TSPEAR: variants seen among roughly 807,000 people sequenced by gnomAD.
TSPEAR encodes the protein thrombospondin-type laminin G domain and EAR repeat-containing protein.
Under a neutral mutation model 71.6 loss-of-function variants are expected in TSPEAR, and 69 were observed. That is an observed-to-expected ratio of 0.96 (90% CI 0.79 to 1.18). The LOEUF is 1.18. Among genes scored for constraint, TSPEAR ranks in the 50% most tolerant of loss-of-function variants. The pLI, the probability that TSPEAR is intolerant of heterozygous loss-of-function variation, is 0.00. For synonymous variants in TSPEAR, 402 were observed against 387.2 expected (o/e 1.04, Z -0.45); for missense variants, 971 against 894.9 (o/e 1.09, Z -1.09).
In TSPEAR at chr21:44,612,943, C is replaced by A; in HGVS notation, c.83-44938G>T. The A allele has an allele frequency of 6.3e-7, 1 of 1,587,290 alleles. No individual in the cohort carries two copies. ...CACGTCCCCCAGGGCCAGCCGGCTCCGGTCCTGTCCTGGGTTAAGTGGCTG... is the reference window on the plus strand; with the variant it reads ...CACGTCCCCCAGGGCCAGCCGGCTCAGGTCCTGTCCTGGGTTAAGTGGCTG... On this transcript the variant is annotated intron_variant, in intron 1 of 11. Transcript: ENST00000323084. The surrounding 1 kb of genome is among the most constrained non-coding windows in gnomAD (Gnocchi z 4.1).
Position 44,612,735 on chromosome 21 carries a change from T to C in TSPEAR, c.83-44730A>G. ...AGACCCTCCTCCTCCGTGTCCCTCC[T>C]CTGCCGCCCTGTGTGCCGGCCTGCC... On this transcript the variant is annotated intron_variant, in intron 1 of 11. Transcript: ENST00000323084. The surrounding 1 kb of genome is among the most constrained non-coding windows in gnomAD (Gnocchi z 4.1). The C allele has an allele frequency of 6.2e-7, 1 of 1,613,658 alleles. No homozygotes were observed. Among genetic ancestry groups the C allele is most frequent in the South Asian group, 1.1e-5 (1 of 91,044 alleles).
chr21:44,678,742 A>G (rs958952845), intron 1 of TSPEAR, among the ~76,000 whole-genome samples: 5 of 152,238 alleles, frequency 3.3e-5, no homozygotes, highest in Non-Finnish European at 7.3e-5. Flanking sequence ...GACTCCACCA[A>G]AAAACTATTA....
chr21:44,676,019 A>C, intron 1 of TSPEAR: 1 of 847,016 alleles, frequency 1.2e-6, no homozygotes, highest in Admixed American at 1.7e-5. Flanking sequence ...CTGATTGACA[A>C]ATTTTGCTAC....
At position 44,594,822 on chromosome 21, in the gene TSPEAR, AT is replaced by A. The variant is rs34221889; in HGVS notation, c.83-26818del. On this transcript the variant is annotated intron_variant, in intron 1 of 11. Transcript: ENST00000323084. ...TTTTTTCCAAACTTACGGATCTGTG[AT>A]TTTTTTTTTTTTTTTTTGAGATGCA... is the stretch of plus-strand genomic sequence containing the variant. 1.1e-3 allele frequency among the ~76,000 whole-genome samples: 133 copies of A among 125,490 alleles called. 2 individuals carry two copies. The South Asian group carries it at 0.016, about 15-fold the overall frequency. The allele number at this position is 125,490 out of a possible 152,430, so 82.3% of individuals were successfully genotyped here. A position where few individuals can be genotyped will look rare whatever the true frequency, so the allele number is the denominator to read the frequency against.
intron 1 of TSPEAR, chr21:44,627,079 GC>G (rs782660219): frequency 1.0e-5 from 16 of 1,544,724 alleles, no homozygotes; most frequent in East Asian, 4.5e-5. Context: ...AAGCCTGAGA[GC>G]CCCAAGAACC....
intron 1 of TSPEAR, among the ~76,000 whole-genome samples, chr21:44,653,027 G>A (rs889229915): frequency 6.6e-6 from 1 of 151,990 alleles, no homozygotes; most frequent in African/African-American, 2.4e-5. Flanking sequence ...GCGTGGCGGC[G>A]GGCACCTGTA....
intron 1 of TSPEAR, among the ~76,000 whole-genome samples, chr21:44,613,875 G>A (rs1555931818): frequency 6.6e-6 from 1 of 152,058 alleles, no homozygotes; most frequent in African/African-American, 2.4e-5. Flanking sequence ...GATTTTCAAG[G>A]CTTGTCCCTA....
intron 10 of TSPEAR, chr21:44,508,441 G>A (rs905883519): frequency 5.0e-5 from 51 of 1,018,168 alleles, no homozygotes; most frequent in Non-Finnish European, 5.8e-5. Flanking sequence ...TCCATCCCAG[G>A]ATGGGAATGG....
intron 1 of TSPEAR, among the ~76,000 whole-genome samples, chr21:44,691,310 C>G (rs970871174): frequency 1.3e-5 from 2 of 152,174 alleles, no homozygotes; most frequent in African/African-American, 4.8e-5. Context: ...ATGTCTCTAA[C>G]GTATAACTGT....
intron 1 of TSPEAR, chr21:44,677,133 A>C (rs1986353203): frequency 1.4e-6 from 1 of 714,868 alleles, no homozygotes; most frequent in African/African-American, 1.7e-5. Context: ...TATCCAGATC[A>C]ACTATCATGT....
rs1157282592 is a variant in TSPEAR at position 44,699,398 on chromosome 21, AG to A, written c.82+12034del. Among the ~76,000 whole-genome samples, 42 of 147,096 alleles carry A rather than the reference AG, an allele frequency of 2.9e-4. No individual in the cohort carries two copies. The East Asian group carries it at 8.1e-3, about 29-fold the overall frequency. ...GTCTCAAAAAAAAAAAAAAAAAAAA[AG>A]GGTTGGGGAAAGAAAAGGGGTGCAG... is the stretch of plus-strand genomic sequence containing the variant. On this transcript the variant is annotated intron_variant, in intron 1 of 11. Transcript: ENST00000323084.
At chr21:44,650,736 C>A (rs1214104631) in intron 1 of TSPEAR, among the ~76,000 whole-genome samples, 1 of 152,204 alleles carries the variant, frequency 6.6e-6, no homozygotes, top group African/African-American at 2.4e-5. Flanking sequence ...CCAGCTCCAG[C>A]CCCCAGTGAG....
chr21:44,648,989 C>A (rs1984608722), intron 1 of TSPEAR, among the ~76,000 whole-genome samples: 2 of 152,274 alleles, frequency 1.3e-5, no homozygotes. Context: ...GTGCTCTGCC[C>A]CTCCCAGGTC....
chr21:44,683,524 C>G (rs1377810996), intron 1 of TSPEAR, among the ~76,000 whole-genome samples: 2 of 151,990 alleles, frequency 1.3e-5, no homozygotes, highest in African/African-American at 2.4e-5. Flanking sequence ...TAAAAATTAG[C>G]CAGACATGGT....
intron 1 of TSPEAR, chr21:44,575,013 AAGCCC>A: frequency 6.3e-7 from 1 of 1,599,138 alleles, no homozygotes; most frequent in Non-Finnish European, 8.5e-7. Context: ...CTCAGGTCAG[AAGCCC>A]AGCTGCTGAT....
At position 44,522,021 on chromosome 21, in the gene TSPEAR, G is replaced by C; in HGVS notation, c.1428C>G (p.Ala476=). ...EANQTIATSG[A]YDWEFFSVGP... ...CCACACTGAAGAACTCCCAGTCGTA[G>C]GCGCCGGAGGTGGCGATGGTCTGGT... The change falls in exon 9 of 12, where the codon GCC becomes GCG. Residue 476 remains alanine (A), a synonymous_variant. Coordinates refer to ENST00000323084, the MANE Select transcript of TSPEAR (RefSeq NM_144991.3). 6.2e-7 allele frequency: 1 copy of C among 1,614,224 alleles called. No homozygotes were observed. Among genetic ancestry groups the C allele is most frequent in the Non-Finnish European group, 8.5e-7 (1 of 1,180,022 alleles).
At chr21:44,517,558 C>G (rs782019067) in intron 9 of TSPEAR, 385 of 346,198 alleles carry the variant, frequency 1.1e-3, no homozygotes, top group Non-Finnish European at 1.7e-3. Context: ...GGACATGTGA[C>G]TGGCACTGGC....
In TSPEAR at chr21:44,558,674, A is replaced by G. The variant is rs74513898; in HGVS notation, c.303+9111T>C. 5,618 of 1,613,044 alleles carry G rather than the reference A, an allele frequency of 3.5e-3. 43 individuals carry two copies. Among genetic ancestry groups the G allele is most frequent in the African/African-American group, 0.033 (2,478 of 74,998 alleles). Reference sequence around the variant, plus strand: ...GGCAGGCGTCCACCTGCCAGGAGTCAGAGTAAGCGCTGGAGCAGACGGACA... The same window carrying G: ...GGCAGGCGTCCACCTGCCAGGAGTCGGAGTAAGCGCTGGAGCAGACGGACA... On this transcript the variant is annotated intron_variant, in intron 2 of 11. Coordinates refer to ENST00000323084, the MANE Select transcript of TSPEAR (RefSeq NM_144991.3).
At chr21:44,662,932 A>G (rs1395667608) in intron 1 of TSPEAR, among the ~76,000 whole-genome samples, 1 of 152,222 alleles carries the variant, frequency 6.6e-6, no homozygotes, top group African/African-American at 2.4e-5. Context: ...TTAAAAGACA[A>G]CATGTCAAAA....
Sources: allele counts gnomAD v4.1 joint callset (sites outside exome capture counted in the v4.1 genomes callset), GRCh38; gene constraint gnomAD v4.1.1; non-coding constraint Gnocchi (gnomAD v3.1); transcripts MANE v1.5; gene names NCBI Gene and HGNC (gene_info 2026-07-23, HGNC 2026-07-21).